ST3GAL4: variants seen among roughly 807,000 people sequenced by gnomAD.
The protein encoded by ST3GAL4 is ST3 beta-galactoside alpha-2,3-sialyltransferase 4, also known as CMP-N-acetylneuraminate-beta-galactosamide-alpha-2,3-sialyltransferase 4.
A neutral mutation model predicts 42.6 loss-of-function variants in ST3GAL4; 24 were observed. That is an observed-to-expected ratio of 0.56 (90% CI 0.41 to 0.79). The LOEUF (loss-of-function observed/expected upper bound fraction) is 0.79. ST3GAL4 is among the 30% of genes least tolerant of loss of function. The probability of loss-of-function intolerance (pLI) is 0.00; values close to 1 mark genes in which losing one functional copy is unlikely to be tolerated. For missense variants in ST3GAL4, 311 were observed against 430.8 expected (o/e 0.72, Z 2.46); for synonymous variants, 135 against 163.2 (o/e 0.83, Z 1.32).
At chr11:126,375,822 C>A (rs1388107580) in intron 1 of ST3GAL4, among the ~76,000 whole-genome samples, 2 of 151,542 alleles carry the variant, frequency 1.3e-5, no homozygotes, top group Admixed American at 6.6e-5. Flanking sequence ...TGTCTGGCCC[C>A]CAAAGTTAGT....
chr11:126,361,989 C>A (rs145773528), intron 1 of ST3GAL4, among the ~76,000 whole-genome samples: 2 of 145,250 alleles, frequency 1.4e-5, no homozygotes, highest in Non-Finnish European at 3.0e-5. Flanking sequence ...TCAAGTGATT[C>A]TCCTGCCTCA....
chr11:126,362,025 G>A (rs1459929340), intron 1 of ST3GAL4, among the ~76,000 whole-genome samples: 1 of 151,132 alleles, frequency 6.6e-6, no homozygotes, highest in Non-Finnish European at 1.5e-5. Context: ...GGGATCACAG[G>A]TGTGTGCCAC....
chr11:126,403,264 C>A (rs1954088666), intron 1 of ST3GAL4: 1 of 522,060 alleles, frequency 1.9e-6, no homozygotes, highest in Non-Finnish European at 2.5e-6. Flanking sequence ...GAAGACAAGA[C>A]AATGTAGAAC....
At chr11:126,360,158 A>G (rs1385817394) in intron 1 of ST3GAL4, among the ~76,000 whole-genome samples, 1 of 152,196 alleles carries the variant, frequency 6.6e-6, no homozygotes, top group African/African-American at 2.4e-5. Flanking sequence ...GAGGTTGCTC[A>G]GGTTGGGAGG....
At position 126,392,299 on chromosome 11, in the gene ST3GAL4, GCA is replaced by G; in HGVS notation, c.-60-13794_-60-13793del. The G allele has an allele frequency of 1.0e-6, 1 of 985,702 alleles. No individual in the cohort carries two copies. Among genetic ancestry groups the G allele is most frequent in the Non-Finnish European group, 1.2e-6 (1 of 829,784 alleles). The allele number at this position is 985,702 out of a possible 1,614,324, so 61.1% of individuals were successfully genotyped here. A position where few individuals can be genotyped will look rare whatever the true frequency, so the allele number is the denominator to read the frequency against. ...TCAAGCCTGCAGCTCTCCTGGGACT[GCA>G]CAGAGTTTACTGTCGGACATCAGTT... is the stretch of plus-strand genomic sequence containing the variant. On this transcript the variant is annotated intron_variant, in intron 1 of 10. Transcript: ENST00000444328. The surrounding 1 kb of genome is among the most constrained non-coding windows in gnomAD (Gnocchi z 5.8).
chr11:126,407,814 G>A (rs1243162213), intron 6 of ST3GAL4, among the ~76,000 whole-genome samples, 180 bp downstream of exon 6: 1 of 151,928 alleles, frequency 6.6e-6, no homozygotes, highest in Non-Finnish European at 1.5e-5. Context: ...GCTGCTCGAG[G>A]GTATTGCAAC....
rs1476178377 is a variant in ST3GAL4 at position 126,384,010 on chromosome 11, G to C, written c.-60-22086G>C. 6.6e-6 allele frequency among the ~76,000 whole-genome samples: 1 copy of C among 152,200 alleles called. No homozygotes were observed. The highest frequency in any genetic ancestry group is 1.5e-5 in the Non-Finnish European group (1 of 68,034). ...ATCTTTGCCGAGTCCTCGTCTGGGG[G>C]CCCTGCCCCACTCTCCCTTCCCAAT... On this transcript the variant is annotated intron_variant, in intron 1 of 10. Transcript: ENST00000444328. The surrounding 1 kb of genome is among the most constrained non-coding windows in gnomAD (Gnocchi z 5.5).
At position 126,413,984 on chromosome 11, in the gene ST3GAL4, A is replaced by G. The variant is rs770482501; in HGVS notation, c.939A>G (p.Gln313=). ...SMAGSGHNVS[Q]EALAIKRMLE... ...AGGGGTCAGGCCATAATGTCTCCCA[A>G]GAGGCCCTGGCCATTAAGCGGATGC... Residue 313 remains glutamine (Q), a synonymous_variant, in exon 11 of 11, where the codon CAA becomes CAG. Transcript: ENST00000444328. The G allele has an allele frequency of 8.7e-6, 14 of 1,614,126 alleles. No homozygotes were observed. The African/African-American group carries it at 1.3e-4, about 15-fold the overall frequency.
At chr11:126,382,984 T>C (rs531861550) in intron 1 of ST3GAL4, among the ~76,000 whole-genome samples, 13 of 152,328 alleles carry the variant, frequency 8.5e-5, no homozygotes, top group Admixed American at 2.6e-4. Flanking sequence ...ACAGTCCCTG[T>C]CACTGGGACT....
In ST3GAL4 at chr11:126,388,768, T is replaced by TTC. The variant is rs1452051869; in HGVS notation, c.-60-17327_-60-17326insCT. Among the ~76,000 whole-genome samples, 12 of 20,500 alleles carry TTC rather than the reference T, an allele frequency of 5.9e-4. No individual in the cohort carries two copies. In the East Asian group the frequency reaches 0.062, roughly 107 times the overall value. 13.4% of individuals were successfully genotyped at this position (20,500 alleles called of 152,430 possible). A position where few individuals can be genotyped will look rare whatever the true frequency, so the allele number is the denominator to read the frequency against. On this transcript the variant is annotated intron_variant, in intron 1 of 10. Transcript: ENST00000444328. ...AAATGTACTTTAGTTTTTCAGTGTCTTTTTTTTTTTTTTTTTTTTTGAGAC... is the reference window on the plus strand; with the variant it reads ...AAATGTACTTTAGTTTTTCAGTGTCTTCTTTTTTTTTTTTTTTTTTTTGAGAC...
At chr11:126,407,376 C>G (rs1355196990) in intron 5 of ST3GAL4, 27 bp downstream of exon 5, 1 of 1,609,100 alleles carries the variant, frequency 6.2e-7, no homozygotes. Context: ...CTCGTGGGAA[C>G]CATGGGCTCA....
intron 4 of ST3GAL4, 47 bp from the exon 5 acceptor site, chr11:126,407,205 A>C: frequency 6.3e-7 from 1 of 1,598,932 alleles, no homozygotes; most frequent in South Asian, 1.1e-5. Context: ...TTCTGGCATC[A>C]AGATTAATTC....
intron 1 of ST3GAL4, among the ~76,000 whole-genome samples, chr11:126,368,080 G>C (rs1216067249): frequency 2.6e-5 from 4 of 151,624 alleles, no homozygotes; most frequent in African/African-American, 9.7e-5. Flanking sequence ...TCAGGAGGTG[G>C]AGGTTGCAGT....
chr11:126,406,375 AG>A lies in ST3GAL4; in HGVS notation c.17-94del. 6.3e-7 allele frequency: 1 copy of A among 1,590,348 alleles called. No homozygotes were observed. Among genetic ancestry groups the A allele is most frequent in the Non-Finnish European group, 8.6e-7 (1 of 1,168,444 alleles). On this transcript the variant is annotated intron_variant, in intron 2 of 10. Transcript: ENST00000444328. This position sits in a 1 kb window ranked among gnomAD's most constrained non-coding sequence, Gnocchi z 5.4. ...GGCCAGAGACTGCTTCTGTTGAGTTAGGGGTCGGAGGGACTCAGAAGGGGGC... is the reference window on the plus strand; with the variant it reads ...GGCCAGAGACTGCTTCTGTTGAGTTAGGGTCGGAGGGACTCAGAAGGGGGC...
intron 1 of ST3GAL4, among the ~76,000 whole-genome samples, chr11:126,399,676 A>G (rs1049810142): frequency 1.3e-5 from 2 of 152,302 alleles, no homozygotes; most frequent in Admixed American, 6.5e-5. Context: ...TACAGTTAAA[A>G]TAAGTCATAC....
At chr11:126,358,408 T>A (rs1349392013) in intron 1 of ST3GAL4, 4 of 429,046 alleles carry the variant, frequency 9.3e-6, no homozygotes, top group Non-Finnish European at 1.9e-5. Context: ...TGTTGCCCCC[T>A]TCCCAGAGGC....
At chr11:126,371,457 C>G (rs1051778108) in intron 1 of ST3GAL4, among the ~76,000 whole-genome samples, 18 of 152,304 alleles carry the variant, frequency 1.2e-4, no homozygotes, top group Middle Eastern at 3.4e-3. Context: ...GCCACCGCGC[C>G]TGGCCTATTC....
rs374090639 is a variant in ST3GAL4, at chr11:126,414,073, G to A, written c.*26G>A. ...CCTGGGCAAGAGCTGTAGCCTGTCG[G>A]TTGCCTACTCTGCTGTCTGGGTGAC... On this transcript the variant is annotated 3_prime_UTR_variant, in exon 11 of 11. Transcript: ENST00000444328. The A allele has an allele frequency of 7.4e-6, 12 of 1,612,414 alleles. No individual in the cohort carries two copies. The highest frequency in any genetic ancestry group is 1.0e-5 in the Non-Finnish European group (12 of 1,178,528).
At chr11:126,365,618 T>A (rs36046161) in intron 1 of ST3GAL4, among the ~76,000 whole-genome samples, 24,175 of 152,160 alleles carry the variant, frequency 0.16, 2,073 homozygotes, top group Non-Finnish European at 0.21. Context: ...GACAGGCCGG[T>A]ATCTGTCCCT....
Sources: gnomAD v4.1 joint callset for allele counts (sites outside exome capture counted in the v4.1 genomes callset) on GRCh38, gnomAD v4.1.1 for gene constraint, Gnocchi (gnomAD v3.1) non-coding constraint, MANE v1.5 for transcripts, NCBI Gene and HGNC (gene_info 2026-07-23, HGNC 2026-07-21) for gene names.